Variants in TRIM63 observed in about 807,000 individuals in gnomAD.
TRIM63 encodes E3 ubiquitin-protein ligase TRIM63.
In TRIM63, 48 loss-of-function variants were observed where a neutral mutation model predicts 46.0. The ratio of observed to expected loss-of-function variants is 1.04; its 90% CI spans 0.83 to 1.33. The LOEUF is 1.33. Among genes scored for constraint, TRIM63 ranks in the 40% most tolerant of loss-of-function variants. The pLI, the probability that TRIM63 is intolerant of heterozygous loss-of-function variation, is 0.00. For synonymous variants in TRIM63, 175 were observed against 162.8 expected (o/e 1.08, Z -0.57); for missense variants, 455 against 441.2 (o/e 1.03, Z -0.28).
intron 8 of TRIM63, 108 bp downstream of exon 8, chr1:26,053,785 T>C: frequency 1.2e-6 from 1 of 842,820 alleles, no homozygotes; most frequent in African/African-American, 1.7e-5. Flanking sequence ...GGGACAGTTC[T>C]GAGCGTCATT....
At chr1:26,055,600 T>C (rs922194896) in intron 7 of TRIM63, among the ~76,000 whole-genome samples, 51 of 151,222 alleles carry the variant, frequency 3.4e-4, no homozygotes, top group Non-Finnish European at 3.2e-4. Flanking sequence ...AACCTCCTCC[T>C]CCCGGATTCA....
chr1:26,060,692 A>G (rs2050615715), intron 3 of TRIM63, among the ~76,000 whole-genome samples: 1 of 152,240 alleles, frequency 6.6e-6, no homozygotes, highest in African/African-American at 2.4e-5. Flanking sequence ...AGAGAGACCT[A>G]GAGAAGAGTG....
intron 2 of TRIM63, among the ~76,000 whole-genome samples, chr1:26,065,333 T>C (rs368364956): frequency 1.3e-5 from 2 of 151,130 alleles, no homozygotes; most frequent in African/African-American, 4.9e-5. Context: ...CTCTCAGTGT[T>C]TTTGTCTGTT....
chr1:26,055,670 C>A (rs775267070), intron 7 of TRIM63, among the ~76,000 whole-genome samples: 10 of 152,076 alleles, frequency 6.6e-5, no homozygotes, highest in Non-Finnish European at 1.5e-4. Context: ...CACCACCATG[C>A]CCAGCTAATT....
chr1:26,063,487 C>G (rs1314211976), intron 2 of TRIM63, among the ~76,000 whole-genome samples: 2 of 152,170 alleles, frequency 1.3e-5, no homozygotes, highest in South Asian at 2.1e-4. Flanking sequence ...CCCAGGGTCC[C>G]TATGCTGGCA....
chr1:26,057,174 T>TAGACAAGTGGCA (rs2050580107), intron 7 of TRIM63, 29 bp downstream of exon 7: 1 of 1,613,028 alleles, frequency 6.2e-7, no homozygotes, highest in Admixed American at 1.7e-5. Flanking sequence ...GGCAGGCAAA[T>TAGACAAGTGGCA]AGACAAGTGG....
rs1332091087 is a variant in TRIM63 at position 26,051,454 on chromosome 1, G to A, written c.*419C>T. The A allele has an allele frequency of 6.4e-6, 1 of 156,730 alleles. No homozygotes were observed. The allele number at this position is 156,730 out of a possible 1,614,324, so 9.7% of individuals were successfully genotyped here. A position where few individuals can be genotyped will look rare whatever the true frequency, so the allele number is the denominator to read the frequency against. On this transcript the variant is annotated 3_prime_UTR_variant, in exon 9 of 9. Transcript: ENST00000374272. ...ATCCTCCTGCTCAGGAAAGGAAGTG[G>A]GCAGCTGTATCAACCTGGCTTCCTT...
chr1:26,053,437 A>G (rs1404437410), intron 8 of TRIM63, among the ~76,000 whole-genome samples: 1 of 151,920 alleles, frequency 6.6e-6, no homozygotes, highest in African/African-American at 2.4e-5. Context: ...TATGTTTAGT[A>G]GAGACAGGGT....
Position 26,066,288 on chromosome 1 carries a change from G to A in TRIM63, c.312C>T (p.Ile104=), listed in dbSNP as rs2050676490. Residue 104 remains isoleucine (I), a synonymous_variant, in exon 2 of 9, where the codon ATC becomes ATT. Transcript: ENST00000374272. ...RNLLVENIID[I]YKQECSSRPL... is the part of the protein sequence containing the mutation. ...CCGACCTGGAGCACTCCTGTTTGTAGATGTCGATGATGTTCTCCACCAGCA... is the reference window on the plus strand; with the variant it reads ...CCGACCTGGAGCACTCCTGTTTGTAAATGTCGATGATGTTCTCCACCAGCA... 6.2e-7 allele frequency: 1 copy of A among 1,614,060 alleles called. No individual in the cohort carries two copies. Among genetic ancestry groups the A allele is most frequent in the African/African-American group, 1.3e-5 (1 of 74,940 alleles).
At chr1:26,052,714 G>A (rs2050533490) in intron 8 of TRIM63, among the ~76,000 whole-genome samples, 1 of 152,078 alleles carries the variant, frequency 6.6e-6, no homozygotes, top group Non-Finnish European at 1.5e-5. Flanking sequence ...TGATCCGCCT[G>A]CCTCGGCCTC....
In TRIM63 at chr1:26,051,884, C is replaced by T; in HGVS notation, c.1052-1G>A. 1 of 1,321,624 alleles carries T rather than the reference C, an allele frequency of 7.6e-7. No individual in the cohort carries two copies. 81.9% of individuals were successfully genotyped at this position (1,321,624 alleles called of 1,614,324 possible). A position where few individuals can be genotyped will look rare whatever the true frequency, so the allele number is the denominator to read the frequency against. On this transcript the variant is annotated splice_acceptor_variant, in intron 8 of 8. Transcript: ENST00000374272. LOFTEE classifies it high-confidence loss of function. ...ATTCATCCAGCTCCTTACTGGTGTC[C>T]TGAAATGAAGAAAAAGATACAGAGG...
Position 26,057,145 on chromosome 1 carries a change from T to A in TRIM63, c.979+58A>T, listed in dbSNP as rs1452705659. On this transcript the variant is annotated intron_variant, in intron 7 of 8. Coordinates refer to ENST00000374272, the MANE Select transcript of TRIM63 (RefSeq NM_032588.4). ...TCCCCATCGGGCTCAGTTGGAGGGA[T>A]GCTGGTTTCCAGGGGTCAGGCAGGC... The A allele has an allele frequency of 2.5e-6, 4 of 1,601,120 alleles. No individual in the cohort carries two copies. The East Asian group carries it at 8.9e-5, about 36-fold the overall frequency.
chr1:26,059,356 T>G (rs935241597), intron 4 of TRIM63, among the ~76,000 whole-genome samples: 1 of 152,140 alleles, frequency 6.6e-6, no homozygotes, highest in Non-Finnish European at 1.5e-5. Context: ...CCCTTTTAGC[T>G]GTGTGACCTT....
chr1:26,060,139 T>A (rs971871107), intron 4 of TRIM63, 127 bp downstream of exon 4: 2 of 667,160 alleles, frequency 3.0e-6, no homozygotes, highest in African/African-American at 3.5e-5. Context: ...TCCCCTGCCA[T>A]CCCTGCTTGA....
At chr1:26,063,877 G>A (rs1484612087) in intron 2 of TRIM63, among the ~76,000 whole-genome samples, 2 of 152,204 alleles carry the variant, frequency 1.3e-5, no homozygotes, top group African/African-American at 2.4e-5. Flanking sequence ...TTCATAGGTC[G>A]GCACTGGGTA....
intron 5 of TRIM63, among the ~76,000 whole-genome samples, chr1:26,058,017 G>T (rs972980662): frequency 6.6e-6 from 1 of 152,184 alleles, no homozygotes; most frequent in African/African-American, 2.4e-5. Flanking sequence ...GAACTATGAA[G>T]TCTTATAACT....
chr1:26,053,192 C>T (rs1056481422), intron 8 of TRIM63, among the ~76,000 whole-genome samples: 1 of 152,198 alleles, frequency 6.6e-6, no homozygotes, highest in Non-Finnish European at 1.5e-5. Context: ...AATCCTCCCG[C>T]CTCAGCCTCC....
At chr1:26,053,856 G>T in intron 8 of TRIM63, 37 bp downstream of exon 8, 1 of 1,478,446 alleles carries the variant, frequency 6.8e-7, no homozygotes, top group Non-Finnish European at 9.4e-7. Context: ...TGGAATGAAT[G>T]AAGGAACGAA....
At chr1:26,066,608 G>A (rs1032597325) in intron 1 of TRIM63, among the ~76,000 whole-genome samples, 168 bp from the exon 2 acceptor site, 9 of 152,178 alleles carry the variant, frequency 5.9e-5, no homozygotes, top group African/African-American at 2.2e-4. Context: ...CAGAGCACCT[G>A]AGAAGCAGCT....
Sources: gnomAD v4.1 joint callset for allele counts (sites outside exome capture counted in the v4.1 genomes callset) on GRCh38, gnomAD v4.1.1 for gene constraint, MANE v1.5 for transcripts, NCBI Gene and HGNC (gene_info 2026-07-23, HGNC 2026-07-21) for gene names.